BCL2L11: variants seen among roughly 807,000 people sequenced by gnomAD.
BCL2L11 encodes the protein bcl-2-like protein 11.
Under a neutral mutation model 20.6 loss-of-function variants are expected in BCL2L11, and 15 were observed. The ratio of observed to expected loss-of-function variants is 0.73; its 90% CI spans 0.49 to 1.12. BCL2L11 has a LOEUF of 1.12. Among genes scored for constraint, BCL2L11 ranks in the 50% most tolerant of loss-of-function variants. BCL2L11 has a pLI of 0.00. For synonymous variants in BCL2L11, 108 were observed against 92.8 expected (o/e 1.16, Z -0.94); for missense variants, 292 against 260.9 (o/e 1.12, Z -0.82).
At chr2:111,157,035 T>C (rs186351587) in intron 3 of BCL2L11, among the ~76,000 whole-genome samples, 1 of 152,338 alleles carries the variant, frequency 6.6e-6, no homozygotes, top group Non-Finnish European at 1.5e-5. Flanking sequence ...TAGGCAAATA[T>C]GAGATGAGGC....
At chr2:111,128,796 AT>A in intron 2 of BCL2L11, 2 of 1,519,932 alleles carry the variant, frequency 1.3e-6, no homozygotes. Flanking sequence ...TTCCTTGAGC[AT>A]TTTGTCATAT....
intron 2 of BCL2L11, among the ~76,000 whole-genome samples, chr2:111,141,330 A>G (rs1276913442): frequency 6.6e-6 from 1 of 151,720 alleles, no homozygotes; most frequent in African/African-American, 2.4e-5. Context: ...AATACTATGC[A>G]GCCATAAAAA....
At chr2:111,154,245 T>A (rs1372890758) in intron 3 of BCL2L11, among the ~76,000 whole-genome samples, 1 of 152,076 alleles carries the variant, frequency 6.6e-6, no homozygotes, top group Non-Finnish European at 1.5e-5. Flanking sequence ...TAATCCCTTA[T>A]GTAACCACAG....
intron 2 of BCL2L11, among the ~76,000 whole-genome samples, chr2:111,140,547 C>G (rs1040081632): frequency 1.5e-4 from 23 of 152,230 alleles, no homozygotes; most frequent in African/African-American, 5.5e-4. Context: ...CTGAGGTGAG[C>G]CAAGCTCGAT....
chr2:111,123,573 T>G, intron 1 of BCL2L11, 160 bp from the exon 2 acceptor site: 1 of 967,604 alleles, frequency 1.0e-6, no homozygotes, highest in Non-Finnish European at 1.2e-6. Context: ...CTTTATTATT[T>G]TAGGTGCAAT....
intron 2 of BCL2L11, among the ~76,000 whole-genome samples, chr2:111,147,773 G>A (rs114967027): frequency 1.1e-4 from 17 of 152,286 alleles, no homozygotes; most frequent in African/African-American, 1.4e-4. Flanking sequence ...CTTAATTTAC[G>A]AGTTAGGGGA....
In BCL2L11 at chr2:111,123,776, G is replaced by T; in HGVS notation, c.31G>T (p.Glu11Ter). The change falls in exon 2 of 4, where the codon GAG (glutamate) becomes TAG (stop). Residue 11 changes from glutamate (E) to a stop codon, truncating the protein, a stop_gained. Transcript: ENST00000393256. LOFTEE classifies it high-confidence loss of function. MAKQPSDVSS[E>*]CDREGRQLQP... ...AAAGCAACCTTCTGATGTAAGTTCTGAGTGTGACCGAGAAGGTAGACAATT... is the reference window on the plus strand; with the variant it reads ...AAAGCAACCTTCTGATGTAAGTTCTTAGTGTGACCGAGAAGGTAGACAATT... 1.4e-6 allele frequency: 2 copies of T among 1,434,986 alleles called. No individual in the cohort carries two copies. The highest frequency in any genetic ancestry group is 1.8e-6 in the Non-Finnish European group (2 of 1,088,888). 88.9% of individuals were successfully genotyped at this position (1,434,986 alleles called of 1,614,324 possible). A position where few individuals can be genotyped will look rare whatever the true frequency, so the allele number is the denominator to read the frequency against.
chr2:111,128,648 G>A, intron 2 of BCL2L11: 4 of 1,542,194 alleles, frequency 2.6e-6, no homozygotes, highest in Non-Finnish European at 3.5e-6. Flanking sequence ...GAGGATATAG[G>A]TGATCTTTCA....
In BCL2L11 at chr2:111,164,250, G is replaced by C; in HGVS notation, c.*19G>C. 6.5e-7 allele frequency: 1 copy of C among 1,549,326 alleles called. No homozygotes were observed. Among genetic ancestry groups the C allele is most frequent in the South Asian group, 1.1e-5 (1 of 89,672 alleles). On this transcript the variant is annotated 3_prime_UTR_variant, in exon 4 of 4. Transcript: ENST00000393256. ...GCATTGACAGGTTCTTTGCGGAGCC[G>C]AGATACCATGCAGACATTTTGCTTG...
At chr2:111,149,278 A>G (rs1242210504) in intron 2 of BCL2L11, among the ~76,000 whole-genome samples, 2 of 152,192 alleles carry the variant, frequency 1.3e-5, no homozygotes, top group African/African-American at 4.8e-5. Context: ...TAGTAAACAG[A>G]TGAATGTACT....
chr2:111,140,767 T>C (rs993579433), intron 2 of BCL2L11, among the ~76,000 whole-genome samples: 6 of 152,256 alleles, frequency 3.9e-5, no homozygotes, highest in African/African-American at 1.4e-4. Context: ...TAAATTCTAC[T>C]AAATTAGTCA....
chr2:111,164,158 C>T lies in BCL2L11; in HGVS notation c.524C>T (p.Ala175Val). ...RRVFLNNYQA[A>V]EDHPRMVILR... ...GTATTTTTGAATAATTACCAAGCAGCCGAAGACCACCCACGAATGGTTATC... is the reference window on the plus strand; with the variant it reads ...GTATTTTTGAATAATTACCAAGCAGTCGAAGACCACCCACGAATGGTTATC... The change falls in exon 4 of 4, where the codon GCC (alanine) becomes GTC (valine). Residue 175 changes from alanine (A) to valine (V), a missense_variant. Transcript: ENST00000393256. 1.2e-6 allele frequency: 2 copies of T among 1,612,174 alleles called. No individual in the cohort carries two copies. The highest frequency in any genetic ancestry group is 1.1e-5 in the South Asian group (1 of 91,028).
rs970725531 is a variant in BCL2L11, at chr2:111,164,374, C to T, written c.*143C>T. The stretch of plus-strand genomic sequence containing the variant: ...GGGCAGGTGACGTTTCAGAAGACAC[C>T]GAGCTGGATGGGACTACCTTTCTGT... On this transcript the variant is annotated 3_prime_UTR_variant, in exon 4 of 4. Transcript: ENST00000393256. 61 of 634,446 alleles carry T rather than the reference C, an allele frequency of 9.6e-5. No individual in the cohort carries two copies. The highest frequency in any genetic ancestry group is 9.6e-4 in the Admixed American group (40 of 41,608). 39.3% of individuals were successfully genotyped at this position (634,446 alleles called of 1,614,324 possible). A position where few individuals can be genotyped will look rare whatever the true frequency, so the allele number is the denominator to read the frequency against.
intron 3 of BCL2L11, among the ~76,000 whole-genome samples, chr2:111,156,798 A>C (rs2077919821): frequency 6.6e-6 from 1 of 152,186 alleles, no homozygotes; most frequent in South Asian, 2.1e-4. Context: ...GTGGAGATTA[A>C]GTAAGAACAT....
intron 3 of BCL2L11, among the ~76,000 whole-genome samples, chr2:111,163,756 ATTC>A (rs2078848918): frequency 6.6e-6 from 1 of 152,040 alleles, no homozygotes. Context: ...GCTACCAGAA[ATTC>A]ACCCCTGGGG....
intron 3 of BCL2L11, among the ~76,000 whole-genome samples, chr2:111,157,409 T>C (rs1314291164): frequency 1.8e-4 from 27 of 152,382 alleles, no homozygotes; most frequent in Non-Finnish European, 8.8e-5. Flanking sequence ...GGTTAAACTA[T>C]GTTACGTCTC....
At chr2:111,130,124 T>G in intron 2 of BCL2L11, 2 of 388,272 alleles carry the variant, frequency 5.2e-6, no homozygotes, top group South Asian at 3.7e-5. Flanking sequence ...TTTTTTTTTT[T>G]GTGACAGTCT....
chr2:111,154,934 C>A (rs543942166), intron 3 of BCL2L11, among the ~76,000 whole-genome samples: 137 of 152,304 alleles, frequency 9.0e-4, no homozygotes, highest in African/African-American at 3.1e-3. Flanking sequence ...ACAGGGAGAA[C>A]CAGTTGTGGG....
chr2:111,149,008 G>A (rs1344624158), intron 2 of BCL2L11, among the ~76,000 whole-genome samples: 2 of 152,144 alleles, frequency 1.3e-5, no homozygotes, highest in African/African-American at 2.4e-5. Context: ...TGGTGAAAAC[G>A]TAATATGTGT....
Sources: gnomAD v4.1 joint callset for allele counts (sites outside exome capture counted in the v4.1 genomes callset) on GRCh38, gnomAD v4.1.1 for gene constraint, MANE v1.5 for transcripts, NCBI Gene and HGNC (gene_info 2026-07-23, HGNC 2026-07-21) for gene names.